Variants in LRRFIP1 observed in about 807,000 individuals in gnomAD.
LRRFIP1 encodes the protein LRR binding FLII interacting protein 1, also known as leucine-rich repeat flightless-interacting protein 1.
Under a neutral mutation model 104.4 loss-of-function variants are expected in LRRFIP1, and 62 were observed. The ratio of observed to expected loss-of-function variants is 0.59; its 90% confidence interval spans 0.48 to 0.73. The LOEUF (loss-of-function observed/expected upper bound fraction) is 0.73. LRRFIP1 is among the 30% of genes least tolerant of loss of function. The pLI, the probability that LRRFIP1 is intolerant of heterozygous loss-of-function variation, is 0.00. For synonymous variants in LRRFIP1, 300 were observed against 299.0 expected (o/e 1.00, Z -0.03); for missense variants, 796 against 824.5 (o/e 0.97, Z 0.42).
chr2:237,692,182 C>A, intron 1 of LRRFIP1: 3 of 1,033,324 alleles, frequency 2.9e-6, no homozygotes, highest in Non-Finnish European at 3.5e-6. Flanking sequence ...CGGGCGGAGG[C>A]GCCCGAGTCC....
At chr2:237,669,227 A>G (rs1428499182) in intron 1 of LRRFIP1, among the ~76,000 whole-genome samples, 1 of 152,202 alleles carries the variant, frequency 6.6e-6, no homozygotes, top group Non-Finnish European at 1.5e-5. Context: ...AAATTAGAAT[A>G]TTAGAAGTGC....
chr2:237,630,624 T>C (rs2082206241), intron 1 of LRRFIP1, among the ~76,000 whole-genome samples: 1 of 152,260 alleles, frequency 6.6e-6, no homozygotes, highest in Admixed American at 6.5e-5. Flanking sequence ...GAAGGCTGTA[T>C]GTACCAGTCA....
At chr2:237,755,832 G>A (rs1366060333) in intron 15 of LRRFIP1, among the ~76,000 whole-genome samples, 2 of 152,338 alleles carry the variant, frequency 1.3e-5, no homozygotes, top group East Asian at 3.9e-4. Flanking sequence ...TACTTGGGAG[G>A]CTGAGGCAGC....
intron 1 of LRRFIP1, 56 bp downstream of exon 1, chr2:237,627,796 G>T: frequency 9.4e-7 from 1 of 1,063,780 alleles, no homozygotes; most frequent in South Asian, 3.5e-5. Context: ...GGGCCGGACG[G>T]CTGTCAGGGT....
chr2:237,669,849 G>C (rs1318019132), intron 1 of LRRFIP1, among the ~76,000 whole-genome samples: 1 of 152,162 alleles, frequency 6.6e-6, no homozygotes, highest in Non-Finnish European at 1.5e-5. Context: ...AAGCCTGACC[G>C]GTCTCCATTT....
At chr2:237,732,289 G>A (rs1009422082) in intron 8 of LRRFIP1, among the ~76,000 whole-genome samples, 22 of 152,256 alleles carry the variant, frequency 1.4e-4, no homozygotes, top group Admixed American at 1.4e-3. Flanking sequence ...GTGAGGGTGT[G>A]AGCCTCTCTC....
chr2:237,690,929 T>C (rs1416347110), intron 1 of LRRFIP1, among the ~76,000 whole-genome samples: 4 of 151,488 alleles, frequency 2.6e-5, no homozygotes, highest in Non-Finnish European at 5.9e-5. Flanking sequence ...CCCCAGCGGT[T>C]CTCTAGGCCT....
intron 11 of LRRFIP1, among the ~76,000 whole-genome samples, chr2:237,744,160 T>C (rs1393640330): frequency 6.6e-6 from 1 of 152,214 alleles, no homozygotes; most frequent in Non-Finnish European, 1.5e-5. Context: ...AAAGTAAATA[T>C]TATTGGATTT....
chr2:237,733,236 G>A (rs75248140), intron 8 of LRRFIP1, among the ~76,000 whole-genome samples: 1 of 152,200 alleles, frequency 6.6e-6, no homozygotes, highest in Non-Finnish European at 1.5e-5. Flanking sequence ...CTTTGACAGG[G>A]CTAGACCGCG....
At chr2:237,775,558 G>A (rs1162064930) in intron 23 of LRRFIP1, among the ~76,000 whole-genome samples, 3 of 152,236 alleles carry the variant, frequency 2.0e-5, no homozygotes, top group Non-Finnish European at 2.9e-5. Flanking sequence ...CGGGCCGGGC[G>A]CGGTGGCTCA....
chr2:237,667,735 C>T (rs1035396362), intron 1 of LRRFIP1, among the ~76,000 whole-genome samples: 9 of 152,138 alleles, frequency 5.9e-5, no homozygotes, highest in African/African-American at 2.2e-4. Context: ...GTGTGGCTTT[C>T]ATAGTATTCA....
chr2:237,723,428 A>T, intron 6 of LRRFIP1, 120 bp from the exon 7 acceptor site: 1 of 975,028 alleles, frequency 1.0e-6, no homozygotes, highest in Non-Finnish European at 1.6e-6. Context: ...ATTATGGAAA[A>T]ATGCATTTTT....
In LRRFIP1 at chr2:237,719,538, TA is replaced by T; in HGVS notation, c.266del (p.Tyr89SerfsTer26). ...TCATTGTTAGGAAGACAGTGAGCGC[TA>T]CTCTCGTAGATCCAGAAGAAACACA... is the stretch of plus-strand genomic sequence containing the variant. The part of the protein sequence containing the change: ...IEQWMEDSER[Y>X]SRRSRRNTSA... On this transcript the variant is annotated frameshift_variant, in exon 5 of 24. Transcript: ENST00000308482. LOFTEE classifies it high-confidence loss of function. The T allele has an allele frequency of 6.2e-7, 1 of 1,613,608 alleles. No homozygotes were observed. The highest frequency in any genetic ancestry group is 8.5e-7 in the Non-Finnish European group (1 of 1,179,608).
chr2:237,737,344 A>C (rs13416771), intron 10 of LRRFIP1, among the ~76,000 whole-genome samples: 3,166 of 152,240 alleles, frequency 0.021, 110 homozygotes, highest in African/African-American at 0.072. Flanking sequence ...GGGCTAAGGA[A>C]CTTCCACAGC....
intron 20 of LRRFIP1, 53 bp downstream of exon 20, chr2:237,770,045 C>G: frequency 7.2e-7 from 1 of 1,392,462 alleles, no homozygotes; most frequent in Non-Finnish European, 1.0e-6. Flanking sequence ...CCTGAAACCA[C>G]CTGCCCATCC....
At position 237,661,092 on chromosome 2, in the gene LRRFIP1, TGGGCTGCGGGGAGA is replaced by T. The variant is rs2087845031; in HGVS notation, c.96+33355_96+33368del. Among the ~76,000 whole-genome samples, 1 of 152,112 alleles carries T rather than the reference TGGGCTGCGGGGAGA, an allele frequency of 6.6e-6. No individual in the cohort carries two copies. The highest frequency in any genetic ancestry group is 2.4e-5 in the African/African-American group (1 of 41,428). ...TCTGCTCTCCCACCGCTTCCTGGGTTGGGCTGCGGGGAGAGGCCTTGCTACAGTGGGTGCCTCAT... is the reference window on the plus strand; with the variant it reads ...TCTGCTCTCCCACCGCTTCCTGGGTTGGCCTTGCTACAGTGGGTGCCTCAT... On this transcript the variant is annotated intron_variant, in intron 1 of 23. Transcript: ENST00000308482. The surrounding 1 kb of genome is among the most constrained non-coding windows in gnomAD (Gnocchi z 4.4).
Position 237,642,766 on chromosome 2 carries a change from G to A in LRRFIP1, c.96+15026G>A, listed in dbSNP as rs574370406. Among the ~76,000 whole-genome samples, 3 of 152,226 alleles carry A rather than the reference G, an allele frequency of 2.0e-5. No individual in the cohort carries two copies. In the South Asian group the frequency reaches 6.2e-4, roughly 32 times the overall value. ...TCAGGTTCCAGGTCCCAGGCTAAGG[G>A]TTTCAGTTGCCAGGCCCCAGGTTTT... On this transcript the variant is annotated intron_variant, in intron 1 of 23. Coordinates refer to ENST00000308482, the MANE Select transcript of LRRFIP1 (RefSeq NM_001137550.2).
intron 1 of LRRFIP1, among the ~76,000 whole-genome samples, chr2:237,629,197 T>C (rs568512212): frequency 6.6e-6 from 1 of 152,264 alleles, no homozygotes; most frequent in Non-Finnish European, 1.5e-5. Flanking sequence ...GTTACATTAA[T>C]TAATAAACAA....
Position 237,720,755 on chromosome 2 carries a change from G to A in LRRFIP1, c.295-17G>A, listed in dbSNP as rs371184144. ...GTATGATTCCTTCACGGTTGTTCTC[G>A]TCCTTTCTTTTAATAGGCTTCTGAT... On this transcript the variant is annotated splice_polypyrimidine_tract_variant and intron_variant, in intron 5 of 23. Transcript: ENST00000308482. 14 of 1,612,674 alleles carry A rather than the reference G, an allele frequency of 8.7e-6. No individual in the cohort carries two copies. The highest frequency in any genetic ancestry group is 4.0e-5 in the African/African-American group (3 of 74,864).
Sources: gnomAD v4.1 joint callset for allele counts (sites outside exome capture counted in the v4.1 genomes callset) on GRCh38, gnomAD v4.1.1 for gene constraint, Gnocchi (gnomAD v3.1) non-coding constraint, MANE v1.5 for transcripts, NCBI Gene and HGNC (gene_info 2026-07-23, HGNC 2026-07-21) for gene names.